IGFBP2: variants seen among roughly 807,000 people sequenced by gnomAD.
IGFBP2 encodes insulin-like growth factor-binding protein 2.
Under a neutral mutation model 26.2 loss-of-function variants are expected in IGFBP2, and 12 were observed. That is an observed-to-expected ratio of 0.46 (90% CI 0.29 to 0.74). IGFBP2 has a LOEUF of 0.74. IGFBP2 is among the 30% of genes least tolerant of loss of function. The pLI is 0.09. For missense variants in IGFBP2, 328 were observed against 441.2 expected, an observed-to-expected ratio of 0.74 and a Z score of 2.30; for synonymous variants, 189 against 200.6, an observed-to-expected ratio of 0.94 and a Z score of 0.49.
At chr2:216,657,305 C>T (rs1247018857) in intron 1 of IGFBP2, among the ~76,000 whole-genome samples, 1 of 152,156 alleles carries the variant, frequency 6.6e-6, no homozygotes, top group Non-Finnish European at 1.5e-5. Flanking sequence ...GTGCGCTGCA[C>T]GGCATCTGTG....
chr2:216,652,797 G>C lies in IGFBP2; in HGVS notation c.443-7760G>C, dbSNP rs370807712. On this transcript the variant is annotated intron_variant, in intron 1 of 3. Transcript: ENST00000233809. The stretch of plus-strand genomic sequence containing the variant: ...TTCTGCCCAGCTAGGGTGGAACCAG[G>C]AAGCTGCGGCCAGCCTTCATTCCCC... Among the ~76,000 whole-genome samples the C allele has an allele frequency of 7.2e-4, 109 of 152,348 alleles. 1 individual carries two copies. The highest frequency in any genetic ancestry group is 3.4e-3 in the Middle Eastern group (1 of 294).
At chr2:216,636,028 C>T (rs9341104) in intron 1 of IGFBP2, among the ~76,000 whole-genome samples, 4 of 151,602 alleles carry the variant, frequency 2.6e-5, no homozygotes, top group Admixed American at 2.6e-4. Flanking sequence ...GAGAAAGAGT[C>T]GGGCTGGGGG....
intron 1 of IGFBP2, among the ~76,000 whole-genome samples, chr2:216,645,103 A>C (rs754277779): frequency 6.6e-6 from 1 of 152,190 alleles, no homozygotes; most frequent in Non-Finnish European, 1.5e-5. Flanking sequence ...TGTTTTCTAA[A>C]ATGCCCGAGG....
chr2:216,638,767 T>C (rs1293646778), intron 1 of IGFBP2, among the ~76,000 whole-genome samples: 1 of 151,308 alleles, frequency 6.6e-6, no homozygotes, highest in East Asian at 2.0e-4. Flanking sequence ...TGGTGCGATC[T>C]CGGCTCACTG....
intron 1 of IGFBP2, among the ~76,000 whole-genome samples, chr2:216,637,361 T>C (rs1212797329): frequency 1.3e-5 from 2 of 152,164 alleles, no homozygotes; most frequent in Non-Finnish European, 2.9e-5. Flanking sequence ...AGGCAGGGCC[T>C]CTCTGAAGGG....
Position 216,644,557 on chromosome 2 carries a change from G to C in IGFBP2, c.442+10592G>C, listed in dbSNP as rs1056647699. Among the ~76,000 whole-genome samples the C allele has an allele frequency of 7.9e-5, 12 of 152,184 alleles. 1 individual carries two copies. Among genetic ancestry groups the C allele is most frequent in the East Asian group, 1.9e-4 (1 of 5,172 alleles). On this transcript the variant is annotated intron_variant, in intron 1 of 3. Transcript: ENST00000233809. ...CATCCTATTAGAAGTTGAGAAGAGGGGGGTGTTTCAGCTGGAGTGATTCAG... is the reference window on the plus strand; with the variant it reads ...CATCCTATTAGAAGTTGAGAAGAGGCGGGTGTTTCAGCTGGAGTGATTCAG...
chr2:216,639,093 C>T (rs1344812434), intron 1 of IGFBP2, among the ~76,000 whole-genome samples: 2 of 124,248 alleles, frequency 1.6e-5, no homozygotes, highest in African/African-American at 3.1e-5. Flanking sequence ...AGTGCAGTGG[C>T]GTGATCTTGG....
At chr2:216,636,887 C>A (rs2106187154) in intron 1 of IGFBP2, among the ~76,000 whole-genome samples, 1 of 116,674 alleles carries the variant, frequency 8.6e-6, no homozygotes, top group East Asian at 3.0e-4. Context: ...AATGTGTAGT[C>A]GTTCAAAGTC....
At position 216,660,706 on chromosome 2, in the gene IGFBP2, C is replaced by T; in HGVS notation, c.592C>T (p.Gln198Ter). 3 of 1,613,910 alleles carry T rather than the reference C, an allele frequency of 1.9e-6. No homozygotes were observed. Among genetic ancestry groups the T allele is most frequent in the Non-Finnish European group, 2.5e-6 (3 of 1,179,972 alleles). The change falls in exon 2 of 4, where the codon CAG (glutamine) becomes TAG (stop). Residue 198 changes from glutamine to a stop codon, truncating the protein, a stop_gained. Transcript: ENST00000233809. LOFTEE classifies it high-confidence loss of function. ...LAVFREKVTE[Q>*]HRQMGKGGKH... ...CGTGTTCCGGGAGAAGGTCACTGAG[C>T]AGCACCGGCAGATGGGCAAGGGTGG...
chr2:216,633,645 G>A lies in IGFBP2; in HGVS notation c.122G>A (p.Arg41His), dbSNP rs1165726642. Residue 41 changes from arginine (R) to histidine (H), a missense_variant, in exon 1 of 4, where the codon CGC becomes CAC. Physicochemically the swap from Arg to His is conservative, Grantham distance 29. Transcript: ENST00000233809. ...GGGGCGCGCGCGGAGGTGCTGTTCC[G>A]CTGCCCGCCCTGCACACCCGAGCGC... is the stretch of plus-strand genomic sequence containing the variant. ...GGGARAEVLF[R>H]CPPCTPERLA... 1 of 1,065,104 alleles carries A rather than the reference G, an allele frequency of 9.4e-7. No individual in the cohort carries two copies. Among genetic ancestry groups the A allele is most frequent in the Non-Finnish European group, 1.1e-6 (1 of 885,048 alleles). The allele number at this position is 1,065,104 out of a possible 1,614,324, so 66.0% of individuals were successfully genotyped here. A position where few individuals can be genotyped will look rare whatever the true frequency, so the allele number is the denominator to read the frequency against.
intron 3 of IGFBP2, chr2:216,662,322 C>A: frequency 3.2e-6 from 1 of 316,886 alleles, no homozygotes; most frequent in Non-Finnish European, 6.0e-6. Context: ...ATTGACATCA[C>A]CTGGAGCTCT....
Position 216,633,890 on chromosome 2 carries a change from G to T in IGFBP2, c.367G>T (p.Ala123Ser). ...PHPGSELPLQALVMGEGTCEK... is the reference protein window; with the variant it reads ...PHPGSELPLQSLVMGEGTCEK... ...CCCGGGCTCCGAGCTGCCCCTGCAGGCGCTGGTCATGGGCGAGGGCACTTG... is the reference window on the plus strand; with the variant it reads ...CCCGGGCTCCGAGCTGCCCCTGCAGTCGCTGGTCATGGGCGAGGGCACTTG... The change falls in exon 1 of 4, where the codon GCG becomes TCG. Residue 123 changes from alanine (A) to serine (S), a missense_variant. Ala to Ser is a moderately conservative substitution (Grantham distance 99, BLOSUM62 1). Coordinates refer to ENST00000233809, the MANE Select transcript of IGFBP2 (RefSeq NM_000597.3). 1 of 1,590,890 alleles carries T rather than the reference G, an allele frequency of 6.3e-7. No homozygotes were observed.
At chr2:216,659,165 C>T (rs1168603690) in intron 1 of IGFBP2, among the ~76,000 whole-genome samples, 1 of 152,192 alleles carries the variant, frequency 6.6e-6, no homozygotes, top group Non-Finnish European at 1.5e-5. Flanking sequence ...TCAAATGTTC[C>T]GTATGCTGGG....
At chr2:216,644,226 G>T (rs1419235897) in intron 1 of IGFBP2, among the ~76,000 whole-genome samples, 3 of 152,114 alleles carry the variant, frequency 2.0e-5, no homozygotes, top group Non-Finnish European at 4.4e-5. Flanking sequence ...GGCCCTTCTG[G>T]CTGCCAGCCC....
At chr2:216,634,906 T>TTTTA (rs371560018) in intron 1 of IGFBP2, among the ~76,000 whole-genome samples, 3,566 of 128,518 alleles carry the variant, frequency 0.028, 238 homozygotes, top group African/African-American at 0.093. Flanking sequence ...TTTTTTTTTT[T>TTTTA]AATTACGAAA....
chr2:216,663,939 G>C lies in IGFBP2; in HGVS notation c.814-1G>C. On this transcript the variant is annotated splice_acceptor_variant, in intron 3 of 3. Transcript: ENST00000233809. LOFTEE classifies it high-confidence loss of function. ...TCCATGCTCTTCTCCTCTCTCCCCA[G>C]TGCAAGATGTCTCTGAACGGGCAGC... The C allele has an allele frequency of 6.2e-7, 1 of 1,613,880 alleles. No homozygotes were observed. Among genetic ancestry groups the C allele is most frequent in the Non-Finnish European group, 8.5e-7 (1 of 1,179,916 alleles).
At chr2:216,647,581 G>A (rs1225615599) in intron 1 of IGFBP2, among the ~76,000 whole-genome samples, 1 of 152,142 alleles carries the variant, frequency 6.6e-6, no homozygotes, top group African/African-American at 2.4e-5. Context: ...GTGCAGTGGC[G>A]TGATCTCGGC....
chr2:216,633,873 C>T lies in IGFBP2; in HGVS notation c.350C>T (p.Ser117Phe). Residue 117 changes from serine (S) to phenylalanine (F), a missense_variant, in exon 1 of 4, where the codon TCC (serine) becomes TTC (phenylalanine). Coordinates refer to ENST00000233809, the MANE Select transcript of IGFBP2 (RefSeq NM_000597.3). The stretch of plus-strand genomic sequence containing the variant: ...CTGCGCTGCTATCCCCACCCGGGCT[C>T]CGAGCTGCCCCTGCAGGCGCTGGTC... ...QGLRCYPHPG[S>F]ELPLQALVMG... is the part of the protein sequence containing the mutation. 2.5e-6 allele frequency: 4 copies of T among 1,576,686 alleles called. No individual in the cohort carries two copies. The highest frequency in any genetic ancestry group is 1.8e-5 in the Admixed American group (1 of 56,336).
intron 1 of IGFBP2, among the ~76,000 whole-genome samples, chr2:216,650,770 C>T (rs1195434889): frequency 2.0e-5 from 3 of 152,166 alleles, no homozygotes; most frequent in Admixed American, 6.5e-5. Flanking sequence ...CAGTTATTTA[C>T]TACCACAAAG....
Sources: allele counts gnomAD v4.1 joint callset (sites outside exome capture counted in the v4.1 genomes callset), GRCh38; gene constraint gnomAD v4.1.1; transcripts MANE v1.5; gene names NCBI Gene and HGNC (gene_info 2026-07-23, HGNC 2026-07-21).